The following RNF115 variants were observed in gnomAD, a reference collection of about 807,000 sequenced individuals.
RNF115 encodes the protein ring finger protein 115, also known as E3 ubiquitin-protein ligase RNF115.
A neutral mutation model predicts 39.2 loss-of-function variants in RNF115; 31 were observed. That is an observed-to-expected ratio of 0.79 (90% CI 0.59 to 1.07). RNF115 has a LOEUF of 1.07. Ranked by LOEUF, RNF115 falls within the 50% of genes least tolerant of loss-of-function variation. RNF115 has a pLI of 0.00. For synonymous variants in RNF115, 124 were observed against 131.0 expected, an observed-to-expected ratio of 0.95 and a Z score of 0.37; for missense variants, 384 against 381.7, an observed-to-expected ratio of 1.01 and a Z score of -0.05.
At chr1:145,761,684 G>A (rs781838686) in intron 4 of RNF115, among the ~76,000 whole-genome samples, 1 of 152,250 alleles carries the variant, frequency 6.6e-6, no homozygotes, top group Non-Finnish European at 1.5e-5. Flanking sequence ...TGCTAGGGCG[G>A]TGCGGAAGGA....
chr1:145,747,520 G>A (rs1230192151), intron 8 of RNF115, among the ~76,000 whole-genome samples: 1 of 152,180 alleles, frequency 6.6e-6, no homozygotes, highest in African/African-American at 2.4e-5. Flanking sequence ...GTGCACGCCT[G>A]TAATCCTAGC....
At chr1:145,807,656 T>C (rs1649517532) in intron 1 of RNF115, among the ~76,000 whole-genome samples, 1 of 152,350 alleles carries the variant, frequency 6.6e-6, no homozygotes, top group South Asian at 2.1e-4. Flanking sequence ...ATCTATCACC[T>C]TAAATATTTA....
chr1:145,780,224 T>C (rs916860337), intron 3 of RNF115, among the ~76,000 whole-genome samples: 1 of 151,160 alleles, frequency 6.6e-6, no homozygotes, highest in African/African-American at 2.4e-5. Context: ...CGAGACCCCG[T>C]CTCAAAAAAA....
At chr1:145,754,438 C>T (rs1355115119) in intron 4 of RNF115, among the ~76,000 whole-genome samples, 1 of 152,102 alleles carries the variant, frequency 6.6e-6, no homozygotes, top group African/African-American at 2.4e-5. Context: ...ACTGCAACCT[C>T]CATATCCCAG....
In RNF115 at chr1:145,823,965, C is replaced by T. The variant is rs1480865341; in HGVS notation, c.-92G>A. 1.1e-6 allele frequency: 1 copy of T among 906,404 alleles called. No individual in the cohort carries two copies. 56.1% of individuals were successfully genotyped at this position (906,404 alleles called of 1,614,324 possible). A position where few individuals can be genotyped will look rare whatever the true frequency, so the allele number is the denominator to read the frequency against. On this transcript the variant is annotated 5_prime_UTR_variant, in exon 1 of 9. Coordinates refer to ENST00000582693, the MANE Select transcript of RNF115 (RefSeq NM_014455.4). ...GAGCTGCAGTCGTCGCCGCCGCCGC[C>T]GCCTCGGTGCGGCCCACCGCTTCAG...
intron 4 of RNF115, among the ~76,000 whole-genome samples, chr1:145,762,373 T>C (rs782104501): frequency 4.6e-5 from 7 of 152,206 alleles, no homozygotes; most frequent in Non-Finnish European, 7.3e-5. Flanking sequence ...TTCTCAGCCA[T>C]GTGGAACTAT....
chr1:145,752,781 G>A (rs1658142054), intron 5 of RNF115, among the ~76,000 whole-genome samples, 197 bp downstream of exon 5: 1 of 151,828 alleles, frequency 6.6e-6, no homozygotes. Flanking sequence ...TAGAGACGGG[G>A]TTTCACCATG....
At position 145,788,937 on chromosome 1, in the gene RNF115, G is replaced by C. The variant is rs782639521; in HGVS notation, c.132C>G (p.Gly44=). ...AATCATCTGTCACTTCTTCAATAAA[G>C]CCTGATTCACATCTGGGACATATAT... ...PEYICPRCES[G]FIEEVTDDSS... is the part of the protein sequence containing the mutation. The change falls in exon 2 of 9, where the codon GGC becomes GGG. Residue 44 remains glycine, a synonymous_variant. Coordinates refer to ENST00000582693, the MANE Select transcript of RNF115 (RefSeq NM_014455.4). 1 of 1,601,274 alleles carries C rather than the reference G, an allele frequency of 6.2e-7. No individual in the cohort carries two copies. Among genetic ancestry groups the C allele is most frequent in the Non-Finnish European group, 8.5e-7 (1 of 1,171,264 alleles).
intron 3 of RNF115, among the ~76,000 whole-genome samples, chr1:145,774,974 C>T (rs1553716322): frequency 6.6e-6 from 1 of 152,148 alleles, no homozygotes; most frequent in South Asian, 2.1e-4. Context: ...AGGCTGGGCA[C>T]AGTGGCTTAT....
chr1:145,815,664 G>GT (rs1649960052), intron 1 of RNF115, among the ~76,000 whole-genome samples: 2 of 151,702 alleles, frequency 1.3e-5, no homozygotes, highest in South Asian at 4.2e-4. Flanking sequence ...AATAAGATAG[G>GT]TAAGGTAAGA....
intron 4 of RNF115, among the ~76,000 whole-genome samples, chr1:145,766,887 A>G (rs368127373): frequency 0.03 from 682 of 22,896 alleles, 6 homozygotes; most frequent in East Asian, 0.065. Context: ...AGGGGCGGCC[A>G]GGCAGAGGCG....
Position 145,742,368 on chromosome 1 carries a change from T to A in RNF115, c.*4498A>T, listed in dbSNP as rs1156944154. 6 of 152,230 alleles carry A rather than the reference T, an allele frequency of 3.9e-5. No individual in the cohort carries two copies. The highest frequency in any genetic ancestry group is 8.8e-5 in the Non-Finnish European group (6 of 68,040). 9.4% of individuals were successfully genotyped at this position (152,230 alleles called of 1,614,324 possible). On this transcript the variant is annotated 3_prime_UTR_variant, in exon 9 of 9. Coordinates refer to ENST00000582693, the MANE Select transcript of RNF115 (RefSeq NM_014455.4). ...ATAGATAACCGTATTGTAGTTCAAC[T>A]GATTATAATATAGAAGCAACGGATA...
At chr1:145,783,513 T>C (rs587602180) in intron 3 of RNF115, among the ~76,000 whole-genome samples, 2 of 152,338 alleles carry the variant, frequency 1.3e-5, no homozygotes, top group African/African-American at 4.8e-5. Context: ...TCAATTTACA[T>C]ACAAAACAGT....
intron 1 of RNF115, among the ~76,000 whole-genome samples, chr1:145,793,320 AAAT>A (rs1305711922): frequency 1.3e-5 from 2 of 152,236 alleles, no homozygotes; most frequent in Non-Finnish European, 2.9e-5. Context: ...CTGTATCAAA[AAAT>A]AATAACAATA....
intron 7 of RNF115, among the ~76,000 whole-genome samples, chr1:145,749,749 T>A (rs587728591): frequency 1.3e-5 from 2 of 152,242 alleles, no homozygotes; most frequent in Admixed American, 1.3e-4. Flanking sequence ...AGACTAATCT[T>A]CCCTAAAGAC....
intron 1 of RNF115, among the ~76,000 whole-genome samples, chr1:145,789,580 G>A (rs1648562569): frequency 6.7e-6 from 1 of 148,246 alleles, no homozygotes; most frequent in Non-Finnish European, 1.5e-5. Context: ...GTATTTTTAG[G>A]AGAGACGAGG....
chr1:145,811,928 T>C (rs1286325925), intron 1 of RNF115, among the ~76,000 whole-genome samples: 64 of 113,392 alleles, frequency 5.6e-4, no homozygotes, highest in Admixed American at 7.8e-4. Flanking sequence ...TATATATATA[T>C]ATATACACAC....
chr1:145,760,110 C>T (rs138115661), intron 4 of RNF115, among the ~76,000 whole-genome samples: 62 of 152,276 alleles, frequency 4.1e-4, no homozygotes, highest in African/African-American at 1.5e-3. Flanking sequence ...ATCTGGCACA[C>T]AGTAATACAC....
At chr1:145,768,800 G>T (rs1291668138) in intron 4 of RNF115, among the ~76,000 whole-genome samples, 1 of 152,272 alleles carries the variant, frequency 6.6e-6, no homozygotes, top group Middle Eastern at 3.4e-3. Flanking sequence ...ACATGAAATT[G>T]TACTTTCAAA....
Sources: allele counts gnomAD v4.1 joint callset (sites outside exome capture counted in the v4.1 genomes callset), GRCh38; gene constraint gnomAD v4.1.1; transcripts MANE v1.5; gene names NCBI Gene and HGNC (gene_info 2026-07-23, HGNC 2026-07-21).